The following NNT variants were observed in gnomAD, a reference collection of about 807,000 sequenced individuals.
NNT encodes NAD(P) transhydrogenase, mitochondrial.
A neutral mutation model predicts 104.8 loss-of-function variants in NNT; 50 were observed. That is an observed-to-expected ratio of 0.48 (90% CI 0.38 to 0.60). The LOEUF is 0.60. Ranked by LOEUF, NNT falls within the 20% of genes least tolerant of loss-of-function variation. NNT has a pLI of 0.00. For synonymous variants in NNT, 461 were observed against 490.4 expected (o/e 0.94, Z 0.79); for missense variants, 1,131 against 1,330.7 (o/e 0.85, Z 2.33).
intron 17 of NNT, among the ~76,000 whole-genome samples, chr5:43,674,741 A>G (rs970462768): frequency 6.6e-6 from 1 of 152,226 alleles, no homozygotes; most frequent in Non-Finnish European, 1.5e-5. Context: ...TTTCAAAACC[A>G]GACCAGTTAC....
At chr5:43,633,988 A>G (rs1750811998) in intron 7 of NNT, among the ~76,000 whole-genome samples, 1 of 152,230 alleles carries the variant, frequency 6.6e-6, no homozygotes, top group African/African-American at 2.4e-5. Context: ...GTGTCCTGTC[A>G]GAGAGGAAGG....
chr5:43,700,259 GAAGTTTA>G, intron 20 of NNT, 22 bp downstream of exon 20: 1 of 1,543,604 alleles, frequency 6.5e-7, no homozygotes, highest in South Asian at 1.1e-5. Flanking sequence ...GGGCAATTGT[GAAGTTTA>G]AATATTCTTA....
chr5:43,663,364 C>A (rs1740472304), intron 17 of NNT, among the ~76,000 whole-genome samples: 1 of 152,176 alleles, frequency 6.6e-6, no homozygotes, highest in African/African-American at 2.4e-5. Flanking sequence ...AGTCAAAGCT[C>A]TTACTTGTGA....
intron 19 of NNT, among the ~76,000 whole-genome samples, chr5:43,690,533 C>T (rs1378532559): frequency 6.6e-6 from 1 of 152,066 alleles, no homozygotes; most frequent in African/African-American, 2.4e-5. Flanking sequence ...CTTTTAATAC[C>T]TCAAAAGAGC....
intron 19 of NNT, among the ~76,000 whole-genome samples, chr5:43,699,735 A>G (rs1417872072): frequency 6.6e-6 from 1 of 152,176 alleles, no homozygotes; most frequent in Non-Finnish European, 1.5e-5. Context: ...TTCGTGGGAA[A>G]CATTTAATTC....
intron 17 of NNT, among the ~76,000 whole-genome samples, chr5:43,663,661 T>C (rs994909963): frequency 6.6e-6 from 1 of 152,210 alleles, no homozygotes; most frequent in African/African-American, 2.4e-5. Context: ...AATAGCTACT[T>C]AAAATTGGCC....
At position 43,649,271 on chromosome 5, in the gene NNT, C is replaced by T. The variant is rs765685741; in HGVS notation, c.1569C>T (p.Leu523=). Residue 523 remains leucine, a synonymous_variant, in exon 11 of 22, where the codon CTC becomes CTT. Coordinates refer to ENST00000344920, the MANE Select transcript of NNT (RefSeq NM_182977.3). The part of the protein sequence containing the change: ...YHTVWGVTPA[L]HSPLMSVTNA... The stretch of plus-strand genomic sequence containing the variant: ...CCGTCTGGGGAGTGACCCCTGCTCT[C>T]CACTCACCACTGATGTCTGTGACAA... The T allele has an allele frequency of 6.2e-7, 1 of 1,614,182 alleles. No individual in the cohort carries two copies. Among genetic ancestry groups the T allele is most frequent in the Non-Finnish European group, 8.5e-7 (1 of 1,180,032 alleles).
At chr5:43,655,057 C>G (rs907201858) in intron 14 of NNT, among the ~76,000 whole-genome samples, 1 of 152,124 alleles carries the variant, frequency 6.6e-6, no homozygotes. Flanking sequence ...ATTTCTTTAC[C>G]TTGGGACTTT....
At chr5:43,663,181 T>A (rs1274102310) in intron 17 of NNT, among the ~76,000 whole-genome samples, 5 of 152,188 alleles carry the variant, frequency 3.3e-5, no homozygotes, top group Non-Finnish European at 7.4e-5. Context: ...TTATTCAAAT[T>A]CATATTAGTT....
intron 19 of NNT, among the ~76,000 whole-genome samples, chr5:43,681,750 GT>G (rs1054697996): frequency 1.3e-5 from 2 of 152,150 alleles, no homozygotes; most frequent in African/African-American, 2.4e-5. Context: ...TCATGTTAAT[GT>G]TCTGCTATAT....
At chr5:43,638,314 G>C (rs968712956) in intron 7 of NNT, among the ~76,000 whole-genome samples, 1 of 152,110 alleles carries the variant, frequency 6.6e-6, no homozygotes, top group Non-Finnish European at 1.5e-5. Flanking sequence ...GGTTTCTGAA[G>C]TCATGTCTCC....
intron 4 of NNT, 48 bp from the exon 5 acceptor site, chr5:43,618,984 C>T (rs548437642): frequency 5.3e-6 from 6 of 1,135,204 alleles, no homozygotes; most frequent in African/African-American, 1.6e-5. Context: ...AGTCTGAGAT[C>T]TCTCCTTTTA....
chr5:43,653,252 G>T, intron 14 of NNT, 39 bp downstream of exon 14: 1 of 1,537,672 alleles, frequency 6.5e-7, no homozygotes, highest in Non-Finnish European at 8.9e-7. Context: ...GTGAACTCCA[G>T]TTTCTCAATA....
chr5:43,649,803 C>T (rs1484356370), intron 11 of NNT, among the ~76,000 whole-genome samples: 2 of 152,132 alleles, frequency 1.3e-5, no homozygotes, highest in Admixed American at 6.5e-5. Context: ...TCTTTGGTGC[C>T]GGTCTTTTCA....
chr5:43,698,897 C>CATATATAT (rs58272291), intron 19 of NNT, among the ~76,000 whole-genome samples: 2 of 145,394 alleles, frequency 1.4e-5, no homozygotes, highest in African/African-American at 5.0e-5. Flanking sequence ...ATATACACTA[C>CATATATAT]ATATATATAT....
Position 43,609,131 on chromosome 5 carries a change from C to T in NNT, c.-53-12C>T. 2.2e-6 allele frequency: 3 copies of T among 1,365,322 alleles called. No individual in the cohort carries two copies. The highest frequency in any genetic ancestry group is 1.3e-5 in the South Asian group (1 of 74,220). The allele number at this position is 1,365,322 out of a possible 1,614,324, so 84.6% of individuals were successfully genotyped here. A position where few individuals can be genotyped will look rare whatever the true frequency, so the allele number is the denominator to read the frequency against. ...TCTTGGCATATATACATCCTATTTT[C>T]TTTTTTCTTAGTGATTTGCCTTCAA... On this transcript the variant is annotated splice_polypyrimidine_tract_variant and intron_variant, in intron 1 of 21. Coordinates refer to ENST00000344920, the MANE Select transcript of NNT (RefSeq NM_182977.3).
chr5:43,662,197 C>T (rs948193481), intron 17 of NNT, among the ~76,000 whole-genome samples: 3 of 152,054 alleles, frequency 2.0e-5, no homozygotes, highest in Non-Finnish European at 2.9e-5. Flanking sequence ...GTCTGTGTCT[C>T]TCTTATTACT....
At chr5:43,615,098 C>A (rs1401003858) in intron 3 of NNT, among the ~76,000 whole-genome samples, 1 of 151,848 alleles carries the variant, frequency 6.6e-6, no homozygotes, top group African/African-American at 2.4e-5. Flanking sequence ...GATTGCGCCA[C>A]TGCAGTCCGC....
Position 43,628,593 on chromosome 5 carries a change from A to AT in NNT, c.964+216dup, listed in dbSNP as rs902709615. On this transcript the variant is annotated intron_variant, in intron 7 of 21. Transcript: ENST00000344920. ...CTTCAAGTATTTTTTCTGTGAAAAA[A>AT]TTTTTTTTTTGAGATGAAGTCTTGC... Among the ~76,000 whole-genome samples, 8 of 150,612 alleles carry AT rather than the reference A, an allele frequency of 5.3e-5. 1 individual carries two copies. The highest frequency in any genetic ancestry group is 2.1e-4 in the South Asian group (1 of 4,740).
Sources: gnomAD v4.1 joint callset for allele counts (sites outside exome capture counted in the v4.1 genomes callset) on GRCh38, gnomAD v4.1.1 for gene constraint, MANE v1.5 for transcripts, NCBI Gene and HGNC (gene_info 2026-07-23, HGNC 2026-07-21) for gene names.